Variants in NLGN1 observed in about 807,000 individuals in gnomAD.
The protein encoded by NLGN1 is neuroligin 1.
Under a neutral mutation model 65.5 loss-of-function variants are expected in NLGN1, and 12 were observed. That is an observed-to-expected ratio of 0.18 (90% CI 0.12 to 0.30). NLGN1 has a LOEUF of 0.30. Among genes scored for constraint, NLGN1 ranks in the 10% least tolerant of loss-of-function variants. The pLI is 1.00. For missense variants in NLGN1, 750 were observed against 1,007.1 expected (o/e 0.74, Z 3.46); for synonymous variants, 350 against 359.5 (o/e 0.97, Z 0.30).
intron 4 of NLGN1, among the ~76,000 whole-genome samples, chr3:174,267,246 C>CTACT (rs1748436382): frequency 6.6e-6 from 1 of 152,186 alleles, no homozygotes; most frequent in Non-Finnish European, 1.5e-5. Context: ...ACAGCAGCAT[C>CTACT]TACTTCTGGT....
chr3:173,617,856 T>C (rs1450472232), intron 3 of NLGN1, among the ~76,000 whole-genome samples: 1 of 152,202 alleles, frequency 6.6e-6, no homozygotes. Flanking sequence ...TCCCACCTTC[T>C]ATTTTAATCT....
At chr3:173,449,268 G>A (rs1238735078) in intron 2 of NLGN1, among the ~76,000 whole-genome samples, 1 of 151,984 alleles carries the variant, frequency 6.6e-6, no homozygotes, top group Non-Finnish European at 1.5e-5. Flanking sequence ...TTATGTCTTT[G>A]TTCTCGTTGG....
intron 2 of NLGN1, among the ~76,000 whole-genome samples, chr3:173,562,774 T>C (rs755645725): frequency 2.6e-5 from 4 of 152,216 alleles, no homozygotes; most frequent in Non-Finnish European, 5.9e-5. Flanking sequence ...TATCTGTTTA[T>C]ACTCACTCCT....
chr3:173,595,644 T>G (rs2149414077), intron 2 of NLGN1, among the ~76,000 whole-genome samples: 1 of 152,304 alleles, frequency 6.6e-6, no homozygotes, highest in African/African-American at 2.4e-5. Context: ...GGTACCATTT[T>G]ACTGTGTTAG....
chr3:173,530,712 A>G (rs1355639290), intron 2 of NLGN1, among the ~76,000 whole-genome samples: 2 of 152,156 alleles, frequency 1.3e-5, no homozygotes, highest in African/African-American at 4.8e-5. Context: ...CCTTTCTACT[A>G]AAAAATCTGA....
At chr3:173,706,839 A>G (rs576093929) in intron 3 of NLGN1, among the ~76,000 whole-genome samples, 118 of 152,346 alleles carry the variant, frequency 7.7e-4, no homozygotes, top group Non-Finnish European at 1.4e-3. Context: ...GCACGCACGC[A>G]CACACACACA....
At chr3:173,874,994 T>G (rs180934989) in intron 4 of NLGN1, among the ~76,000 whole-genome samples, 288 of 152,310 alleles carry the variant, frequency 1.9e-3, no homozygotes, top group African/African-American at 6.7e-3. Flanking sequence ...TTGCAACTAC[T>G]TATGTTTAGT....
intron 1 of NLGN1, among the ~76,000 whole-genome samples, chr3:173,429,013 A>G (rs1716685357): frequency 6.6e-6 from 1 of 151,700 alleles, no homozygotes; most frequent in East Asian, 1.9e-4. Flanking sequence ...GTGATCTTTG[A>G]CCTTTTAGTA....
At chr3:173,709,197 A>G (rs911488258) in intron 3 of NLGN1, among the ~76,000 whole-genome samples, 1 of 152,186 alleles carries the variant, frequency 6.6e-6, no homozygotes, top group Non-Finnish European at 1.5e-5. Flanking sequence ...TGTATCTATC[A>G]TGAGTCAGCC....
At chr3:174,246,911 T>C (rs1743896857) in intron 4 of NLGN1, among the ~76,000 whole-genome samples, 1 of 152,148 alleles carries the variant, frequency 6.6e-6, no homozygotes, top group Non-Finnish European at 1.5e-5. Flanking sequence ...ATTTGACAAG[T>C]AAATTAAACT....
In NLGN1 at chr3:173,419,020, C is replaced by CTTTTTTTTTTTTTTTTTTTTTTTTTTTT. The variant is rs59051811; in HGVS notation, c.-389-15983_-389-15956dup. ...TCTGTTCTTTAGCTTTCTTCTTCTT[C>CTTTTTTTTTTTTTTTTTTTTTTTTTTTT]TTTTTTTTTTTTTTTTTTTTTTTTT... On this transcript the variant is annotated intron_variant, in intron 1 of 6. Coordinates refer to ENST00000457714, the Ensembl canonical transcript of NLGN1. 1.8e-3 allele frequency among the ~76,000 whole-genome samples: 22 copies of CTTTTTTTTTTTTTTTTTTTTTTTTTTTT among 12,264 alleles called. 2 individuals are homozygous for CTTTTTTTTTTTTTTTTTTTTTTTTTTTT. Among genetic ancestry groups the CTTTTTTTTTTTTTTTTTTTTTTTTTTTT allele is most frequent in the Admixed American group, 2.9e-3 (2 of 686 alleles). 8.0% of individuals were successfully genotyped at this position (12,264 alleles called of 152,430 possible). A position where few individuals can be genotyped will look rare whatever the true frequency, so the allele number is the denominator to read the frequency against.
chr3:173,566,652 T>C lies in NLGN1; in HGVS notation c.-320-37627T>C, dbSNP rs140860157. 3.0e-4 allele frequency among the ~76,000 whole-genome samples: 45 copies of C among 152,238 alleles called. 1 individual carries two copies. The highest frequency in any genetic ancestry group is 2.9e-3 in the Admixed American group (45 of 15,298). On this transcript the variant is annotated intron_variant, in intron 2 of 6. Transcript: ENST00000457714. The stretch of plus-strand genomic sequence containing the variant: ...CCCTCTACCCTCACCCTGCAAACAA[T>C]TAAATGTTTCCTTAACTATCTGCTA...
intron 3 of NLGN1, among the ~76,000 whole-genome samples, chr3:173,763,524 C>T (rs951838119): frequency 2.2e-4 from 33 of 151,986 alleles, no homozygotes; most frequent in African/African-American, 7.0e-4. Context: ...TATGATTTTA[C>T]TTTATTTCTC....
At chr3:173,435,180 A>T (rs999856757) in intron 2 of NLGN1, 1 of 152,508 alleles carries the variant, frequency 6.6e-6, no homozygotes, top group Non-Finnish European at 1.5e-5. Flanking sequence ...CTGACCATCC[A>T]CCATAGTCAT....
intron 4 of NLGN1, among the ~76,000 whole-genome samples, chr3:174,222,103 C>T (rs1379587140): frequency 2.6e-5 from 4 of 151,972 alleles, no homozygotes; most frequent in Admixed American, 2.0e-4. Flanking sequence ...ATCACATAGC[C>T]CTGTATCTTT....
At chr3:173,436,701 T>G (rs1718204940) in intron 2 of NLGN1, among the ~76,000 whole-genome samples, 1 of 152,198 alleles carries the variant, frequency 6.6e-6, no homozygotes, top group Non-Finnish European at 1.5e-5. Flanking sequence ...ATAGTTGGCT[T>G]CTTTTAAAAA....
At position 173,771,138 on chromosome 3, in the gene NLGN1, G is replaced by A. The variant is rs1212691537; in HGVS notation, c.494-36542G>A. Among the ~76,000 whole-genome samples, 6 of 152,092 alleles carry A rather than the reference G, an allele frequency of 3.9e-5. No homozygotes were observed. The East Asian group carries it at 9.7e-4, about 25-fold the overall frequency. On this transcript the variant is annotated intron_variant, in intron 3 of 6. Coordinates refer to ENST00000457714, the Ensembl canonical transcript of NLGN1. ...TTTTCTCTTTCTCTTTCTTCCCATA[G>A]TATTTTGCTTCTATTACTTCTAAAT... is the stretch of plus-strand genomic sequence containing the variant.
At chr3:173,487,558 A>G (rs552662619) in intron 2 of NLGN1, among the ~76,000 whole-genome samples, 18 of 152,118 alleles carry the variant, frequency 1.2e-4, no homozygotes, top group African/African-American at 4.1e-4. Flanking sequence ...TAACCTATCT[A>G]TGTTAAAATT....
intron 2 of NLGN1, 47 bp from the exon 2 acceptor site, chr3:173,604,228 ACTGT>A (rs1751014981): frequency 1.1e-5 from 2 of 187,448 alleles, no homozygotes; most frequent in South Asian, 1.4e-4. Context: ...TAGTTATCAC[ACTGT>A]CTATGTTAGC....
Sources: allele counts gnomAD v4.1 joint callset (sites outside exome capture counted in the v4.1 genomes callset), GRCh38; gene constraint gnomAD v4.1.1; transcripts MANE v1.5; gene names NCBI Gene and HGNC (gene_info 2026-07-23, HGNC 2026-07-21).